The following REPS2 variants were observed in gnomAD, a reference collection of about 807,000 sequenced individuals.
The protein encoded by REPS2 is ralBP1-associated Eps domain-containing protein 2.
In REPS2, 23 loss-of-function variants were observed where a neutral mutation model predicts 53.6. The ratio of observed to expected loss-of-function variants is 0.43; its 90% CI spans 0.31 to 0.61. The LOEUF is 0.61. Among genes scored for constraint, REPS2 ranks in the 20% least tolerant of loss-of-function variants. The pLI is 0.11. For synonymous variants in REPS2, 238 were observed against 218.6 expected, an observed-to-expected ratio of 1.09 and a Z score of -0.78; for missense variants, 446 against 534.9, an observed-to-expected ratio of 0.83 and a Z score of 1.64.
At chrX:17,125,653 G>T (rs781372286) in intron 14 of REPS2, among the ~76,000 whole-genome samples, 3 of 112,472 alleles carry the variant, frequency 2.7e-5, no homozygotes, top group Non-Finnish European at 5.6e-5. Flanking sequence ...AACTTCTGAT[G>T]TGCTTGAAGA....
intron 3 of REPS2, among the ~76,000 whole-genome samples, chrX:17,022,740 C>T (rs1278594865): frequency 1.8e-5 from 2 of 112,129 alleles, no homozygotes; most frequent in African/African-American, 3.2e-5. Flanking sequence ...CACATTAGCA[C>T]GGTAAAAGCC....
intron 8 of REPS2, among the ~76,000 whole-genome samples, chrX:17,060,170 C>T (rs1276015160): frequency 1.8e-5 from 2 of 109,930 alleles, no homozygotes; most frequent in Non-Finnish European, 3.8e-5. Context: ...GGTGCGGTGG[C>T]GTGCACCTGT....
intron 1 of REPS2, among the ~76,000 whole-genome samples, chrX:16,958,646 G>GC (rs749304220): frequency 3.6e-5 from 4 of 112,069 alleles, no homozygotes; most frequent in Non-Finnish European, 7.5e-5. Context: ...CCAGAGAGGG[G>GC]CCAGTGGGAT....
intron 17 of REPS2, among the ~76,000 whole-genome samples, chrX:17,140,831 C>T (rs990317318): frequency 4.6e-5 from 5 of 107,700 alleles, no homozygotes; most frequent in African/African-American, 6.7e-5. Context: ...AGTGCGGTGG[C>T]GTGATCTCTG....
intron 13 of REPS2, among the ~76,000 whole-genome samples, chrX:17,096,382 G>A (rs765452909): frequency 1.8e-5 from 2 of 111,381 alleles, no homozygotes; most frequent in East Asian, 2.8e-4. Flanking sequence ...GGAAGAGGCC[G>A]GGCGCGGTGG....
At chrX:16,967,794 C>G (rs2060790943) in intron 1 of REPS2, among the ~76,000 whole-genome samples, 2 of 109,831 alleles carry the variant, frequency 1.8e-5, no homozygotes, top group African/African-American at 3.3e-5. Flanking sequence ...TGTACTATGG[C>G]ATATCTCAAA....
At chrX:17,182,728 C>T in the REPS2 span, among the ~76,000 whole-genome samples, 1 of 112,242 alleles carries the variant, frequency 8.9e-6, no homozygotes, top group East Asian at 2.8e-4. Context: ...GACATGCAGC[C>T]CAGTGACTGG....
rs758905311 is a variant in REPS2, at chrX:16,996,825, A to T, written c.274-9396A>T. ...TACTTGAAATATCCTGGCTTGCTCT[A>T]TTCCTCTCACTTAGGCACTCACTCC... On this transcript the variant is annotated intron_variant, in intron 1 of 17. Coordinates refer to ENST00000357277, the MANE Select transcript of REPS2 (RefSeq NM_004726.3). 6.2e-5 allele frequency among the ~76,000 whole-genome samples: 7 copies of T among 112,259 alleles called. No homozygotes were observed. In the East Asian group the frequency reaches 1.9e-3, roughly 31 times the overall value.
At chrX:16,948,147 A>G (rs765447083) in intron 1 of REPS2, among the ~76,000 whole-genome samples, 10 of 112,290 alleles carry the variant, frequency 8.9e-5, no homozygotes, top group Non-Finnish European at 1.7e-4. Context: ...ATCTAGTTTC[A>G]AAGGAGAACT....
At chrX:17,046,830 C>T (rs1397655388) in intron 5 of REPS2, among the ~76,000 whole-genome samples, 1 of 111,961 alleles carries the variant, frequency 8.9e-6, no homozygotes, top group Non-Finnish European at 1.9e-5. Context: ...GTTCAGTGGT[C>T]CTGACTTGCC....
At chrX:17,185,961 T>C in the REPS2 span, among the ~76,000 whole-genome samples, 1 of 111,057 alleles carries the variant, frequency 9.0e-6, no homozygotes, top group Non-Finnish European at 1.9e-5. Flanking sequence ...AAAAAAAAAA[T>C]CTTCTTAAAT....
the REPS2 span, among the ~76,000 whole-genome samples, chrX:17,168,657 A>G: frequency 8.9e-6 from 1 of 112,053 alleles, no homozygotes. Flanking sequence ...ATCTGTGCTC[A>G]GGTTCTTTTC....
chrX:16,991,535 C>T (rs2061163656), intron 1 of REPS2, among the ~76,000 whole-genome samples: 1 of 110,953 alleles, frequency 9.0e-6, no homozygotes, highest in Non-Finnish European at 1.9e-5. Context: ...TTGTGTCCCC[C>T]ACAAAAAGAT....
intron 1 of REPS2, among the ~76,000 whole-genome samples, chrX:16,982,120 C>G (rs1242630105): frequency 8.9e-6 from 1 of 111,780 alleles, no homozygotes; most frequent in Non-Finnish European, 1.9e-5. Context: ...TTTTTAAGGT[C>G]TACCTATATT....
At chrX:17,027,083 A>G in intron 4 of REPS2, among the ~76,000 whole-genome samples, 2 of 112,070 alleles carry the variant, frequency 1.8e-5, no homozygotes, top group Admixed American at 1.9e-4. Context: ...TGTGAGCCAC[A>G]ATGCCTGGCC....
intron 17 of REPS2, among the ~76,000 whole-genome samples, chrX:17,145,083 A>G (rs1282879566): frequency 8.9e-6 from 1 of 111,897 alleles, no homozygotes; most frequent in Non-Finnish European, 1.9e-5. Context: ...GTCATTTACC[A>G]TTCACCAGTT....
rs765911940 is a variant in REPS2, at chrX:17,047,494, G to T, written c.907+12G>T. 1.7e-6 allele frequency: 2 copies of T among 1,207,017 alleles called. No individual in the cohort carries two copies. Among genetic ancestry groups the T allele is most frequent in the South Asian group, 3.6e-5 (2 of 55,971 alleles). On this transcript the variant is annotated intron_variant, in intron 6 of 17. Transcript: ENST00000357277. ...CTCTTTCATTTCAGGTAAGAATGTG[G>T]GCTCCCTAGGCATCACTCTCACCAG...
chrX:17,189,105 C>T, the REPS2 span, among the ~76,000 whole-genome samples: 4 of 111,108 alleles, frequency 3.6e-5, no homozygotes, highest in Admixed American at 9.6e-5. Context: ...TATAAACATA[C>T]TGAAAGTCTA....
chrX:17,012,524 T>C (rs1368466145), intron 2 of REPS2, among the ~76,000 whole-genome samples: 4 of 111,316 alleles, frequency 3.6e-5, no homozygotes, highest in Admixed American at 9.5e-5. Context: ...TCAGTTATAG[T>C]AGGGAAAATG....
Sources: gnomAD v4.1 joint callset for allele counts (sites outside exome capture counted in the v4.1 genomes callset) on GRCh38, gnomAD v4.1.1 for gene constraint, MANE v1.5 for transcripts, NCBI Gene and HGNC (gene_info 2026-07-23, HGNC 2026-07-21) for gene names.